Variants in APP observed in about 807,000 individuals in gnomAD.
The protein encoded by APP is amyloid-beta precursor protein.
A neutral mutation model predicts 101.4 loss-of-function variants in APP; 31 were observed. That is an observed-to-expected ratio of 0.31 (90% CI 0.23 to 0.41). The LOEUF (loss-of-function observed/expected upper bound fraction) is 0.41, where lower values mean the gene tolerates loss of function less well. APP is among the 10% of genes least tolerant of loss of function. The probability of loss-of-function intolerance (pLI) is 1.00; values close to 1 mark genes in which losing one functional copy is unlikely to be tolerated. For missense variants in APP, 839 were observed against 1,003.7 expected, an observed-to-expected ratio of 0.84 and a Z score of 2.22; for synonymous variants, 366 against 364.4, an observed-to-expected ratio of 1.00 and a Z score of -0.05.
At chr21:26,146,059 C>A (rs990098497) in intron 1 of APP, among the ~76,000 whole-genome samples, 1 of 152,200 alleles carries the variant, frequency 6.6e-6, no homozygotes, top group Non-Finnish European at 1.5e-5. Flanking sequence ...AATGACTGAT[C>A]TAAAAAATTT....
chr21:26,018,110 G>T (rs1853405655), intron 6 of APP, among the ~76,000 whole-genome samples: 1 of 152,194 alleles, frequency 6.6e-6, no homozygotes, highest in Admixed American at 6.5e-5. Context: ...TGGCAGAGAA[G>T]ATTATGACTA....
Position 25,937,577 on chromosome 21 carries a change from C to T in APP, c.1687+17013G>A, listed in dbSNP as rs192020926. Reference sequence around the variant, plus strand: ...ATATCACTTTGGATTTGAAGAGAGCCTAAATGGATAATTCTTTAAGCAGAA... The same window carrying T: ...ATATCACTTTGGATTTGAAGAGAGCTTAAATGGATAATTCTTTAAGCAGAA... On this transcript the variant is annotated intron_variant, in intron 13 of 17. Transcript: ENST00000346798. Among the ~76,000 whole-genome samples the T allele has an allele frequency of 3.6e-3, 554 of 152,156 alleles. 1 individual carries two copies. Among genetic ancestry groups the T allele is most frequent in the Admixed American group, 0.018 (280 of 15,282 alleles).
rs112732953 is a variant in APP at position 25,975,051 on chromosome 21, C to T, written c.1458+19G>A. ...TGTGCTGTGACCTGAAGTGTGAACT[C>T]GGCTGCAGCGAGACCTACCCGAGGA... On this transcript the variant is annotated intron_variant, in intron 11 of 17. Transcript: ENST00000346798. 307 of 1,613,590 alleles carry T rather than the reference C, an allele frequency of 1.9e-4. 2 individuals carry two copies. In the African/African-American group the frequency reaches 3.2e-3, roughly 17 times the overall value.
chr21:25,891,670 TTCTC>T, intron 17 of APP, 48 bp downstream of exon 17: 4 of 1,581,334 alleles, frequency 2.5e-6, no homozygotes, highest in Non-Finnish European at 3.5e-6. Flanking sequence ...CTAAGCCTAA[TTCTC>T]TCATAGTCTT....
At chr21:26,114,464 CTT>C (rs2062393910) in intron 1 of APP, among the ~76,000 whole-genome samples, 1 of 152,174 alleles carries the variant, frequency 6.6e-6, no homozygotes, top group African/African-American at 2.4e-5. Context: ...TGCTGCAACT[CTT>C]TTAAAAACAA....
At chr21:25,966,654 T>A (rs1263697698) in intron 11 of APP, among the ~76,000 whole-genome samples, 1 of 152,226 alleles carries the variant, frequency 6.6e-6, no homozygotes, top group Non-Finnish European at 1.5e-5. Context: ...TGGAGATATA[T>A]GCTATATACA....
intron 3 of APP, among the ~76,000 whole-genome samples, chr21:26,084,389 C>CT (rs1431215633): frequency 0.062 from 1 of 16 alleles, no homozygotes; most frequent in Non-Finnish European, 0.071. Flanking sequence ...CAGGCGCCCG[C>CT]ACCACGCCTG....
chr21:26,159,165 T>C (rs1226930914), intron 1 of APP, among the ~76,000 whole-genome samples: 7 of 152,134 alleles, frequency 4.6e-5, no homozygotes, highest in Admixed American at 1.3e-4. Flanking sequence ...CTGCAAGCTC[T>C]GCCTCCCAGG....
At chr21:26,166,976 C>A (rs1327381944) in intron 1 of APP, among the ~76,000 whole-genome samples, 1 of 149,644 alleles carries the variant, frequency 6.7e-6, no homozygotes, top group Admixed American at 6.7e-5. Context: ...CTGGTAGAGG[C>A]AGAGAGGAAT....
intron 9 of APP, among the ~76,000 whole-genome samples, chr21:25,978,985 G>T (rs948000178): frequency 6.6e-6 from 1 of 152,046 alleles, no homozygotes; most frequent in Non-Finnish European, 1.5e-5. Context: ...TATGAGTTGG[G>T]TCAGCTTTCA....
intron 3 of APP, among the ~76,000 whole-genome samples, chr21:26,089,136 T>G (rs1380610686): frequency 6.6e-6 from 1 of 152,248 alleles, no homozygotes; most frequent in African/African-American, 2.4e-5. Flanking sequence ...CTCTATATCC[T>G]TATTTACAAC....
chr21:26,060,098 C>T (rs1231202272), intron 3 of APP, among the ~76,000 whole-genome samples: 2 of 152,062 alleles, frequency 1.3e-5, no homozygotes, highest in Admixed American at 1.3e-4. Context: ...TCTCATCAAC[C>T]ACAGTAGTTT....
At chr21:25,912,110 C>T (rs2039107200) in intron 13 of APP, 148 bp from the exon 14 acceptor site, 5 of 717,832 alleles carry the variant, frequency 7.0e-6, no homozygotes, top group Admixed American at 2.0e-5. Flanking sequence ...GTACCATTAT[C>T]ATCTCCCTTT....
chr21:26,130,369 T>C (rs1018489997), intron 1 of APP, among the ~76,000 whole-genome samples: 10 of 152,234 alleles, frequency 6.6e-5, no homozygotes, highest in South Asian at 2.1e-4. Flanking sequence ...GCTTCTATAG[T>C]GTCTCTCTGA....
At chr21:26,170,246 A>AC (rs1033832501) in intron 1 of APP, among the ~76,000 whole-genome samples, 1 of 150,970 alleles carries the variant, frequency 6.6e-6, no homozygotes, top group Non-Finnish European at 1.5e-5. Context: ...GCCTCCCCCG[A>AC]CCCCCGCTTC....
intron 3 of APP, among the ~76,000 whole-genome samples, chr21:26,081,765 C>T (rs1016295572): frequency 1.3e-5 from 2 of 152,150 alleles, no homozygotes; most frequent in Non-Finnish European, 2.9e-5. Flanking sequence ...ATGCTCATTA[C>T]CCATCCTTAT....
intron 2 of APP, among the ~76,000 whole-genome samples, chr21:26,090,464 A>G (rs1333811321): frequency 0.091 from 4 of 44 alleles, no homozygotes; most frequent in African/African-American, 0.29. Flanking sequence ...TTCAGTACAA[A>G]GAAAAAGATA....
intron 6 of APP, among the ~76,000 whole-genome samples, chr21:26,021,493 T>C (rs748963651): frequency 1.9e-4 from 29 of 152,074 alleles, no homozygotes; most frequent in Non-Finnish European, 3.4e-4. Context: ...TAACAGACAA[T>C]ATTATATAAC....
chr21:26,058,965 C>A (rs1455234052), intron 3 of APP, among the ~76,000 whole-genome samples: 4 of 151,910 alleles, frequency 2.6e-5, no homozygotes, highest in African/African-American at 9.7e-5. Context: ...CCTGTAGTCC[C>A]AGCTACTCGG....
Sources: gnomAD v4.1 joint callset for allele counts (sites outside exome capture counted in the v4.1 genomes callset) on GRCh38, gnomAD v4.1.1 for gene constraint, MANE v1.5 for transcripts, NCBI Gene and HGNC (gene_info 2026-07-23, HGNC 2026-07-21) for gene names.